CYP2J2: variants seen among roughly 807,000 people sequenced by gnomAD.
The protein encoded by CYP2J2 is cytochrome P450 family 2 subfamily J member 2.
Under a neutral mutation model 48.8 loss-of-function variants are expected in CYP2J2, and 41 were observed. The ratio of observed to expected loss-of-function variants is 0.84; its 90% CI spans 0.66 to 1.09. The LOEUF is 1.09. Ranked by LOEUF, CYP2J2 falls within the 50% of genes least tolerant of loss-of-function variation. CYP2J2 has a pLI of 0.00. For missense variants in CYP2J2, 644 were observed against 617.3 expected (o/e 1.04, Z -0.46); for synonymous variants, 221 against 227.1 (o/e 0.97, Z 0.24).
At chr1:59,935,414 T>G in the CYP2J2 span, among the ~76,000 whole-genome samples, 2 of 151,836 alleles carry the variant, frequency 1.3e-5, 1 homozygote, top group African/African-American at 4.8e-5. Flanking sequence ...ACCACACACA[T>G]GCACATGCAT....
the CYP2J2 span, among the ~76,000 whole-genome samples, chr1:59,951,633 G>T: frequency 6.6e-6 from 1 of 152,102 alleles, no homozygotes; most frequent in African/African-American, 2.4e-5. Context: ...GACTGGTCAT[G>T]GAATGAGCCT....
chr1:59,926,691 C>T lies in CYP2J2; in HGVS notation c.56G>A (p.Arg19Gln). 1.2e-6 allele frequency: 2 copies of T among 1,614,086 alleles called. No individual in the cohort carries two copies. Among genetic ancestry groups the T allele is most frequent in the Admixed American group, 1.7e-5 (1 of 60,028 alleles). Residue 19 changes from arginine (R) to glutamine (Q), a missense_variant, in exon 1 of 9, where the codon CGG (arginine) becomes CAG (glutamine). Transcript: ENST00000371204. ...AAALWAVVHPRTLLLGTVAFL... is the reference protein window; with the variant it reads ...AAALWAVVHPQTLLLGTVAFL... ...GGCGACAGTGCCCAGTAGGAGAGTCCGAGGATGGACCACTGCCCAGAGGGC... is the reference window on the plus strand; with the variant it reads ...GGCGACAGTGCCCAGTAGGAGAGTCTGAGGATGGACCACTGCCCAGAGGGC...
At chr1:59,933,616 G>C in the CYP2J2 span, among the ~76,000 whole-genome samples, 1 of 152,070 alleles carries the variant, frequency 6.6e-6, no homozygotes, top group Non-Finnish European at 1.5e-5. Context: ...CTACATGTAA[G>C]ATTATGTCAT....
intron 4 of CYP2J2, among the ~76,000 whole-genome samples, chr1:59,911,322 A>G (rs1023631876): frequency 4.1e-4 from 62 of 152,306 alleles, no homozygotes; most frequent in African/African-American, 1.3e-3. Context: ...GGCAACAGCA[A>G]TATTGTTTTT....
intron 1 of CYP2J2, among the ~76,000 whole-genome samples, chr1:59,917,123 C>T (rs1323570290): frequency 6.6e-6 from 1 of 152,044 alleles, no homozygotes; most frequent in Non-Finnish European, 1.5e-5. Context: ...GCCTCAACTC[C>T]CCAGCTATAA....
chr1:59,952,048 C>G, the CYP2J2 span, among the ~76,000 whole-genome samples: 16 of 152,034 alleles, frequency 1.1e-4, no homozygotes, highest in South Asian at 3.1e-3. Flanking sequence ...TACTGTAAGG[C>G]TAGCACCAAA....
intron 3 of CYP2J2, 29 bp downstream of exon 3, chr1:59,912,133 C>T: frequency 6.3e-7 from 1 of 1,595,004 alleles, no homozygotes. Flanking sequence ...GGGCCACAGT[C>T]TCTCACCTCT....
At chr1:59,957,622 C>T in the CYP2J2 span, among the ~76,000 whole-genome samples, 4 of 151,876 alleles carry the variant, frequency 2.6e-5, no homozygotes, top group Non-Finnish European at 4.4e-5. Flanking sequence ...TCAAGTGCAT[C>T]CTTCTTAGCC....
chr1:59,942,906 T>C, the CYP2J2 span, among the ~76,000 whole-genome samples: 473 of 152,280 alleles, frequency 3.1e-3, 4 homozygotes, highest in African/African-American at 0.011. Flanking sequence ...TCCTCTGAAG[T>C]AGGTACTCTT....
At chr1:59,901,225 A>C (rs1230514916) in intron 7 of CYP2J2, 122 bp from the exon 8 acceptor site, 8 of 949,800 alleles carry the variant, frequency 8.4e-6, no homozygotes, top group Admixed American at 2.2e-5. Context: ...ACCCTCCCCA[A>C]TTGTGGTACA....
chr1:59,894,850 C>T (rs10889159), intron 8 of CYP2J2, among the ~76,000 whole-genome samples: 33,920 of 152,042 alleles, frequency 0.22, 4,753 homozygotes, highest in African/African-American at 0.4. Context: ...AAGATGACCT[C>T]TAAAGAAAAT....
intron 1 of CYP2J2, among the ~76,000 whole-genome samples, chr1:59,923,954 C>A (rs540965145): frequency 6.6e-6 from 1 of 152,062 alleles, no homozygotes; most frequent in African/African-American, 2.4e-5. Flanking sequence ...TTTCAGAAAC[C>A]CAAACAGGAT....
At chr1:59,905,489 G>A (rs1644357435) in intron 6 of CYP2J2, among the ~76,000 whole-genome samples, 1 of 152,144 alleles carries the variant, frequency 6.6e-6, no homozygotes, top group Non-Finnish European at 1.5e-5. Context: ...CATCACACTG[G>A]TAATAAGGTT....
the CYP2J2 span, among the ~76,000 whole-genome samples, chr1:59,947,435 T>G: frequency 4.6e-5 from 7 of 152,116 alleles, no homozygotes; most frequent in African/African-American, 1.7e-4. Context: ...AGAGTGCAGT[T>G]AATTGGAGAG....
At chr1:59,950,955 C>T in the CYP2J2 span, among the ~76,000 whole-genome samples, 1 of 152,140 alleles carries the variant, frequency 6.6e-6, no homozygotes, top group Non-Finnish European at 1.5e-5. Context: ...TGAGCCTGGA[C>T]CAGCATAGCA....
chr1:59,935,031 T>C, the CYP2J2 span, among the ~76,000 whole-genome samples: 7 of 102,500 alleles, frequency 6.8e-5, no homozygotes, highest in East Asian at 5.2e-4. Context: ...TATATATATA[T>C]ATATATATAT....
At chr1:59,967,109 T>A in the CYP2J2 span, among the ~76,000 whole-genome samples, 1 of 152,180 alleles carries the variant, frequency 6.6e-6, no homozygotes, top group Non-Finnish European at 1.5e-5. Context: ...TGTAGTTTTA[T>A]GGTTTAGGCT....
chr1:59,909,753 A>G (rs1644395340), intron 5 of CYP2J2, 31 bp downstream of exon 5: 2 of 1,534,748 alleles, frequency 1.3e-6, no homozygotes, highest in East Asian at 2.3e-5. Flanking sequence ...TGCTCTAAGA[A>G]CAAAATACAA....
chr1:59,933,310 G>A, the CYP2J2 span, among the ~76,000 whole-genome samples: 7 of 152,124 alleles, frequency 4.6e-5, no homozygotes, highest in African/African-American at 1.7e-4. Flanking sequence ...AAAAATGAGT[G>A]CAAGACAGAA....
Sources: gnomAD v4.1 joint callset for allele counts (sites outside exome capture counted in the v4.1 genomes callset) on GRCh38, gnomAD v4.1.1 for gene constraint, MANE v1.5 for transcripts, NCBI Gene and HGNC (gene_info 2026-07-23, HGNC 2026-07-21) for gene names.